PHTF2: variants seen among roughly 807,000 people sequenced by gnomAD.
The protein encoded by PHTF2 is protein PHTF2.
A neutral mutation model predicts 101.2 loss-of-function variants in PHTF2; 60 were observed. The ratio of observed to expected loss-of-function variants is 0.59; its 90% CI spans 0.48 to 0.73. PHTF2 has a LOEUF of 0.73. Among genes scored for constraint, PHTF2 ranks in the 30% least tolerant of loss-of-function variants. The pLI, the probability that PHTF2 is intolerant of heterozygous loss-of-function variation, is 0.00. For missense variants in PHTF2, 747 were observed against 908.7 expected, an observed-to-expected ratio of 0.82 and a Z score of 2.29; for synonymous variants, 311 against 307.3, an observed-to-expected ratio of 1.01 and a Z score of -0.13.
At chr7:77,892,532 C>A (rs1158303045) in intron 3 of PHTF2, among the ~76,000 whole-genome samples, 2 of 152,164 alleles carry the variant, frequency 1.3e-5, no homozygotes, top group African/African-American at 4.8e-5. Flanking sequence ...CATTTTCTGT[C>A]TCTAGTCTCT....
chr7:77,910,782 C>T (rs975997891), intron 9 of PHTF2, among the ~76,000 whole-genome samples: 5 of 152,090 alleles, frequency 3.3e-5, no homozygotes, highest in Admixed American at 6.5e-5. Flanking sequence ...GCTGGGCTTA[C>T]AGGCACGTGC....
chr7:77,877,394 C>T (rs2150737925), intron 3 of PHTF2, among the ~76,000 whole-genome samples: 1 of 152,252 alleles, frequency 6.6e-6, no homozygotes, highest in East Asian at 1.9e-4. Flanking sequence ...TGAGCCACCA[C>T]GCCTGGCCAA....
At position 77,839,741 on chromosome 7, in the gene PHTF2, G is replaced by A. The variant is rs12530586; in HGVS notation, c.-35-480G>A. On this transcript the variant is annotated intron_variant, in intron 1 of 19. Coordinates refer to ENST00000416283, the Ensembl canonical transcript of PHTF2. ...TAACATAAATACTTTTTGGCTCTTG[G>A]GTTATTTTAATTCAGTTTTGTGTTT... Among the ~76,000 whole-genome samples, 4 of 152,042 alleles carry A rather than the reference G, an allele frequency of 2.6e-5. No individual in the cohort carries two copies. In the East Asian group the frequency reaches 7.7e-4, roughly 29 times the overall value.
At chr7:77,907,354 A>G (rs1801958988) in intron 7 of PHTF2, among the ~76,000 whole-genome samples, 1 of 152,164 alleles carries the variant, frequency 6.6e-6, no homozygotes, top group African/African-American at 2.4e-5. Context: ...AGATTAAGTG[A>G]TGTTTTAAGC....
At chr7:77,841,327 G>A (rs1248951483) in intron 2 of PHTF2, among the ~76,000 whole-genome samples, 2 of 151,930 alleles carry the variant, frequency 1.3e-5, no homozygotes, top group African/African-American at 2.4e-5. Context: ...TGATCCGCCC[G>A]CCTCAGCCTC....
intron 12 of PHTF2, among the ~76,000 whole-genome samples, chr7:77,934,684 C>T (rs76747438): frequency 1.3e-5 from 2 of 152,266 alleles, no homozygotes; most frequent in East Asian, 3.9e-4. Flanking sequence ...GGCATGGTGG[C>T]TCACGCCTCT....
rs1801317795 is a variant in PHTF2 at position 77,900,791 on chromosome 7, T to C, written c.286+11T>C. ...TTGATCTTGTAAGAGGTGAGTCTGA[T>C]AAATAAATGCTTAATACAAGTAGAC... On this transcript the variant is annotated intron_variant, in intron 6 of 19. Transcript: ENST00000416283. The C allele has an allele frequency of 6.0e-6, 8 of 1,336,882 alleles. No homozygotes were observed. Among genetic ancestry groups the C allele is most frequent in the Non-Finnish European group, 7.5e-6 (7 of 927,944 alleles). The allele number at this position is 1,336,882 out of a possible 1,614,324, so 82.8% of individuals were successfully genotyped here.
intron 5 of PHTF2, among the ~76,000 whole-genome samples, chr7:77,898,615 T>C (rs1436559388): frequency 6.6e-6 from 1 of 152,140 alleles, no homozygotes; most frequent in East Asian, 1.9e-4. Flanking sequence ...TTCTATAAAG[T>C]CACCCATGAA....
chr7:77,918,886 A>C (rs949353483), intron 9 of PHTF2, among the ~76,000 whole-genome samples: 1 of 152,190 alleles, frequency 6.6e-6, no homozygotes, highest in African/African-American at 2.4e-5. Context: ...ATGACTAAAA[A>C]GCACTGGAGC....
chr7:77,827,377 C>T (rs896188801), intron 1 of PHTF2, among the ~76,000 whole-genome samples: 8 of 152,112 alleles, frequency 5.3e-5, no homozygotes, highest in South Asian at 4.1e-4. Flanking sequence ...CTTTTTGAGA[C>T]GGAGTCTCAC....
chr7:77,950,052 CA>C (rs899537039), intron 17 of PHTF2, among the ~76,000 whole-genome samples: 1 of 151,970 alleles, frequency 6.6e-6, no homozygotes, highest in African/African-American at 2.4e-5. Flanking sequence ...TTTTATTTGA[CA>C]AGAAGGAAGT....
rs568751628 is a variant in PHTF2 at position 77,822,929 on chromosome 7, G to T, written c.-35-17292G>T. Among the ~76,000 whole-genome samples the T allele has an allele frequency of 5.3e-3, 772 of 146,870 alleles. 6 individuals carry two copies. Among genetic ancestry groups the T allele is most frequent in the Non-Finnish European group, 7.8e-3 (527 of 67,152 alleles). Reference sequence around the variant, plus strand: ...CTTTTTTTTTTTTTTTTTTGAGACGGAGTCTCGCTCTGTCGCCCAGGCTGG... The same window carrying T: ...CTTTTTTTTTTTTTTTTTTGAGACGTAGTCTCGCTCTGTCGCCCAGGCTGG... On this transcript the variant is annotated intron_variant, in intron 1 of 19. Coordinates refer to ENST00000416283, the Ensembl canonical transcript of PHTF2.
intron 3 of PHTF2, among the ~76,000 whole-genome samples, chr7:77,886,160 C>A (rs1296890344): frequency 6.6e-6 from 1 of 152,160 alleles, no homozygotes; most frequent in Non-Finnish European, 1.5e-5. Context: ...AAGCAAGACA[C>A]CTTGTCTTTG....
At chr7:77,873,456 C>A (rs759144832) in intron 3 of PHTF2, among the ~76,000 whole-genome samples, 1 of 152,104 alleles carries the variant, frequency 6.6e-6, no homozygotes, top group Non-Finnish European at 1.5e-5. Context: ...CACTATCAAC[C>A]CCCCCATCTC....
chr7:77,803,621 CAT>C (rs1216240056), intron 1 of PHTF2, among the ~76,000 whole-genome samples: 1 of 151,828 alleles, frequency 6.6e-6, no homozygotes, highest in Non-Finnish European at 1.5e-5. Flanking sequence ...AAGCACTTGA[CAT>C]ATTCTTGATT....
intron 3 of PHTF2, among the ~76,000 whole-genome samples, chr7:77,874,726 C>T (rs1425591412): frequency 1.3e-5 from 2 of 152,216 alleles, no homozygotes; most frequent in Non-Finnish European, 2.9e-5. Context: ...AGCACCCTCA[C>T]AGACACACCC....
At chr7:77,913,115 C>T (rs1464171025) in intron 9 of PHTF2, among the ~76,000 whole-genome samples, 6 of 151,900 alleles carry the variant, frequency 3.9e-5, no homozygotes, top group South Asian at 4.1e-4. Flanking sequence ...AGGCTGGGCA[C>T]GGTGGCTCAT....
chr7:77,947,626 A>G (rs1194335738), intron 16 of PHTF2, among the ~76,000 whole-genome samples: 1 of 152,024 alleles, frequency 6.6e-6, no homozygotes, highest in Non-Finnish European at 1.5e-5. Flanking sequence ...GGAAGGCTCA[A>G]TTTCAATTTC....
At chr7:77,912,885 A>G (rs984804381) in intron 9 of PHTF2, among the ~76,000 whole-genome samples, 3 of 151,618 alleles carry the variant, frequency 2.0e-5, no homozygotes, top group African/African-American at 7.3e-5. Flanking sequence ...GGCATTTGCC[A>G]CCATGCCCAG....
Sources: allele counts gnomAD v4.1 joint callset (sites outside exome capture counted in the v4.1 genomes callset), GRCh38; gene constraint gnomAD v4.1.1; transcripts MANE v1.5; gene names NCBI Gene and HGNC (gene_info 2026-07-23, HGNC 2026-07-21).